Variants in CAMTA1 observed in about 807,000 individuals in gnomAD.
CAMTA1 encodes calmodulin binding transcription activator 1, also known as calmodulin-binding transcription activator 1.
In CAMTA1, 27 loss-of-function variants were observed where a neutral mutation model predicts 170.9. The ratio of observed to expected loss-of-function variants is 0.16; its 90% confidence interval spans 0.12 to 0.22. The LOEUF (loss-of-function observed/expected upper bound fraction) is 0.22, where lower values mean the gene tolerates loss of function less well. Ranked by LOEUF, CAMTA1 falls within the 10% of genes least tolerant of loss-of-function variation. The pLI is 1.00. For missense variants in CAMTA1, 1,619 were observed against 2,217.2 expected (o/e 0.73, Z 5.42); for synonymous variants, 833 against 891.5 (o/e 0.93, Z 1.17).
At position 7,547,203 on chromosome 1, in the gene CAMTA1, C is replaced by G. The variant is rs766207179; in HGVS notation, c.510+79302C>G. On this transcript the variant is annotated intron_variant, in intron 6 of 22. Coordinates refer to ENST00000303635, the MANE Select transcript of CAMTA1 (RefSeq NM_015215.4). The surrounding 1 kb of genome is among the most constrained non-coding windows in gnomAD (Gnocchi z 5.7). ...CAAGATGTTCCAGGCATATCTTGTA[C>G]TTTCCTGAAATCAACCATTTCTCCA... is the stretch of plus-strand genomic sequence containing the variant. Among the ~76,000 whole-genome samples, 9 of 152,140 alleles carry G rather than the reference C, an allele frequency of 5.9e-5. No individual in the cohort carries two copies. The highest frequency in any genetic ancestry group is 1.2e-4 in the Non-Finnish European group (8 of 68,040).
chr1:6,842,084 C>T (rs1275197543), intron 3 of CAMTA1, among the ~76,000 whole-genome samples: 1 of 152,254 alleles, frequency 6.6e-6, no homozygotes, highest in African/African-American at 2.4e-5. Context: ...ACTTCCCTTA[C>T]ACTTCTGCTC....
intron 3 of CAMTA1, among the ~76,000 whole-genome samples, chr1:7,047,703 TTC>T (rs745458237): frequency 2.9e-4 from 43 of 149,790 alleles, no homozygotes; most frequent in Admixed American, 1.2e-3. Flanking sequence ...GGCTTTGGCT[TTC>T]TCTCTCTCTC....
At position 7,768,156 on chromosome 1, in the gene CAMTA1, A is replaced by G. The variant is rs924022320; in HGVS notation, c.*1665A>G. The G allele has an allele frequency of 1.3e-5, 2 of 152,106 alleles. No homozygotes were observed. Among genetic ancestry groups the G allele is most frequent in the Non-Finnish European group, 1.5e-5 (1 of 67,908 alleles). 9.4% of individuals were successfully genotyped at this position (152,106 alleles called of 1,614,324 possible). A position where few individuals can be genotyped will look rare whatever the true frequency, so the allele number is the denominator to read the frequency against. On this transcript the variant is annotated 3_prime_UTR_variant, in exon 23 of 23. Coordinates refer to ENST00000303635, the MANE Select transcript of CAMTA1 (RefSeq NM_015215.4). Reference sequence around the variant, plus strand: ...ACCTGACAAAAGAAATAGTATGAAAAGTAGAAAAATGTCACGTTTCCATAT... The same window carrying G: ...ACCTGACAAAAGAAATAGTATGAAAGGTAGAAAAATGTCACGTTTCCATAT...
intron 5 of CAMTA1, among the ~76,000 whole-genome samples, chr1:7,445,191 A>G (rs1358536302): frequency 6.6e-6 from 1 of 151,770 alleles, no homozygotes; most frequent in Admixed American, 6.6e-5. Flanking sequence ...TGGCCTGGAC[A>G]GATGGGGAGA....
chr1:6,872,224 C>T (rs1303459773), intron 3 of CAMTA1, among the ~76,000 whole-genome samples: 1 of 144,522 alleles, frequency 6.9e-6, no homozygotes, highest in African/African-American at 2.5e-5. Flanking sequence ...CACACATACA[C>T]CCTCACCATC....
rs368049317 is a variant in CAMTA1, at chr1:7,603,637, A to G, written c.511-36763A>G. Among the ~76,000 whole-genome samples the G allele has an allele frequency of 1.8e-4, 27 of 152,152 alleles. No homozygotes were observed. The South Asian group carries it at 5.6e-3, about 32-fold the overall frequency. On this transcript the variant is annotated intron_variant, in intron 6 of 22. Transcript: ENST00000303635. Reference sequence around the variant, plus strand: ...CTGATGGGTCTTGACTCTTTATCCAATTTGCCAGTCTGTGTCTTTTAATTG... The same window carrying G: ...CTGATGGGTCTTGACTCTTTATCCAGTTTGCCAGTCTGTGTCTTTTAATTG...
chr1:7,112,564 C>T (rs1292804534), intron 4 of CAMTA1, among the ~76,000 whole-genome samples: 2 of 152,218 alleles, frequency 1.3e-5, no homozygotes, highest in Non-Finnish European at 2.9e-5. Flanking sequence ...GGGTCTAGCT[C>T]CCCACTCTGA....
chr1:7,482,911 G>C lies in CAMTA1; in HGVS notation c.510+15010G>C, dbSNP rs1249608827. ...GGGGCTCTGTCAACACCTCCTCTCA[G>C]TCAGAGTGATGTGAGCTGTAAATGT... On this transcript the variant is annotated intron_variant, in intron 6 of 22. Coordinates refer to ENST00000303635, the MANE Select transcript of CAMTA1 (RefSeq NM_015215.4). The surrounding 1 kb of genome is among the most constrained non-coding windows in gnomAD (Gnocchi z 4.2). 6.6e-6 allele frequency among the ~76,000 whole-genome samples: 1 copy of C among 152,098 alleles called. No individual in the cohort carries two copies. Among genetic ancestry groups the C allele is most frequent in the Non-Finnish European group, 1.5e-5 (1 of 68,008 alleles).
intron 5 of CAMTA1, among the ~76,000 whole-genome samples, chr1:7,422,991 C>CTTCAAAA (rs2091662386): frequency 6.6e-6 from 1 of 152,204 alleles, no homozygotes; most frequent in Admixed American, 6.5e-5. Context: ...AATGGCAGTG[C>CTTCAAAA]CATTTAAGTG....
chr1:7,658,772 G>A (rs935644263), intron 7 of CAMTA1, among the ~76,000 whole-genome samples: 9 of 152,146 alleles, frequency 5.9e-5, no homozygotes, highest in Non-Finnish European at 1.2e-4. Context: ...TAAGAAAAGG[G>A]TCCCATAGCT....
chr1:7,505,529 C>T (rs1045357924), intron 6 of CAMTA1, among the ~76,000 whole-genome samples: 34 of 152,138 alleles, frequency 2.2e-4, no homozygotes, highest in African/African-American at 8.0e-4. Flanking sequence ...CAGATGGGGC[C>T]GGGAGGGGAC....
At chr1:7,559,359 G>A (rs1557915249) in intron 6 of CAMTA1, among the ~76,000 whole-genome samples, 1 of 151,918 alleles carries the variant, frequency 6.6e-6, no homozygotes, top group Non-Finnish European at 1.5e-5. Flanking sequence ...CCTGCCTCCT[G>A]GCCCTGGACG....
intron 4 of CAMTA1, among the ~76,000 whole-genome samples, chr1:7,174,870 A>G (rs747411858): frequency 1.3e-5 from 2 of 152,136 alleles, no homozygotes; most frequent in Non-Finnish European, 2.9e-5. Flanking sequence ...TGGGTCTGGG[A>G]TGGTTTTTCC....
At chr1:7,730,934 A>C (rs150898781) in intron 11 of CAMTA1, among the ~76,000 whole-genome samples, 10,947 of 123,756 alleles carry the variant, frequency 0.088, 457 homozygotes, top group East Asian at 0.25. Flanking sequence ...CTCTCTATAT[A>C]TATATATATA....
At chr1:7,742,196 C>T (rs2096824081) in intron 16 of CAMTA1, among the ~76,000 whole-genome samples, 1 of 151,574 alleles carries the variant, frequency 6.6e-6, no homozygotes, top group Admixed American at 6.6e-5. Flanking sequence ...GTACCTAGCA[C>T]CATAACCTTG....
In CAMTA1 at chr1:7,470,872, G is replaced by C. The variant is rs188478603; in HGVS notation, c.510+2971G>C. Reference sequence around the variant, plus strand: ...GCACTTAGTGGGCACGTCTGCCTATGTTGGCCTCGATTTTCCTCTCCAACT... The same window carrying C: ...GCACTTAGTGGGCACGTCTGCCTATCTTGGCCTCGATTTTCCTCTCCAACT... On this transcript the variant is annotated intron_variant, in intron 6 of 22. Transcript: ENST00000303635. 5.2e-3 allele frequency among the ~76,000 whole-genome samples: 792 copies of C among 152,326 alleles called. 5 individuals are homozygous for C. Among genetic ancestry groups the C allele is most frequent in the Non-Finnish European group, 7.5e-3 (512 of 68,030 alleles).
intron 5 of CAMTA1, among the ~76,000 whole-genome samples, chr1:7,279,511 G>A (rs189200346): frequency 1.1e-3 from 163 of 152,222 alleles, no homozygotes; most frequent in Non-Finnish European, 1.3e-3. Context: ...TTGCAGAGCC[G>A]CAGCCACCTT....
intron 3 of CAMTA1, among the ~76,000 whole-genome samples, chr1:6,912,494 A>G (rs1408077964): frequency 6.6e-6 from 1 of 152,224 alleles, no homozygotes; most frequent in Non-Finnish European, 1.5e-5. Flanking sequence ...GTCTTTACAT[A>G]AAGAGCCCCG....
Position 7,737,522 on chromosome 1 carries a change from T to G in CAMTA1, c.3610T>G (p.Ser1204Ala). 1 of 1,613,892 alleles carries G rather than the reference T, an allele frequency of 6.2e-7. No homozygotes were observed. The highest frequency in any genetic ancestry group is 1.3e-5 in the African/African-American group (1 of 75,004). Residue 1204 changes from serine (S) to alanine (A), a missense_variant, in exon 15 of 23, where the codon TCT becomes GCT. Ser to Ala is a moderately conservative substitution (Grantham distance 99). Coordinates refer to ENST00000303635, the MANE Select transcript of CAMTA1 (RefSeq NM_015215.4). ...CCAGTGGCACAGCGAAGCCATCAGC[T>G]CTCCAGAAATACCCAAGGGAGTCAC... ...MAQWHSEAISSPEIPKGVTVI... is the reference protein window; with the variant it reads ...MAQWHSEAISAPEIPKGVTVI...
Sources: allele counts gnomAD v4.1 joint callset (sites outside exome capture counted in the v4.1 genomes callset), GRCh38; gene constraint gnomAD v4.1.1; non-coding constraint Gnocchi (gnomAD v3.1); transcripts MANE v1.5; gene names NCBI Gene and HGNC (gene_info 2026-07-23, HGNC 2026-07-21).